The following SLC48A1 variants were observed in gnomAD, a reference collection of about 807,000 sequenced individuals.
The protein encoded by SLC48A1 is solute carrier family 48 member 1, also known as heme transporter HRG1.
A neutral mutation model predicts 14.8 loss-of-function variants in SLC48A1; 6 were observed. That is an observed-to-expected ratio of 0.41 (90% CI 0.22 to 0.80). The LOEUF is 0.80. Ranked by LOEUF, SLC48A1 falls within the 30% of genes least tolerant of loss-of-function variation. The pLI, the probability that SLC48A1 is intolerant of heterozygous loss-of-function variation, is 0.34. For missense variants in SLC48A1, 165 were observed against 204.8 expected (o/e 0.81, Z 1.19); for synonymous variants, 89 against 90.0 (o/e 0.99, Z 0.06).
upstream of SLC48A1, chr12:47,757,996 G>C (rs372882833): frequency 6.4e-7 from 1 of 1,572,844 alleles, no homozygotes; most frequent in Non-Finnish European, 8.6e-7. Flanking sequence ...GTCAGGGAGG[G>C]CTCCCACCCG....
intron 2 of SLC48A1, among the ~76,000 whole-genome samples, chr12:47,764,999 C>T (rs1045007729): frequency 7.2e-6 from 1 of 138,156 alleles, no homozygotes; most frequent in Non-Finnish European, 1.5e-5. Flanking sequence ...ATCGCTTAAA[C>T]CTGGAAGGCG....
intron 2 of SLC48A1, among the ~76,000 whole-genome samples, chr12:47,765,221 G>A (rs1010352247): frequency 1.3e-5 from 2 of 151,876 alleles, no homozygotes; most frequent in African/African-American, 4.8e-5. Context: ...GAAAAGTGGG[G>A]TCCACAGAGG....
In SLC48A1 at chr12:47,779,201, G is replaced by T; in HGVS notation, c.304+6G>T. On this transcript the variant is annotated splice_donor_region_variant and intron_variant, in intron 2 of 2. Transcript: ENST00000442218. ...GGCCATCACCCGGCATCAGAGTGAG[G>T]GCGGGTCCCAGGGAAAGAGGGCATG... 6.5e-7 allele frequency: 1 copy of T among 1,549,194 alleles called. No homozygotes were observed. Among genetic ancestry groups the T allele is most frequent in the South Asian group, 1.2e-5 (1 of 83,992 alleles).
chr12:47,774,713 G>A (rs1942703617), intron 1 of SLC48A1, among the ~76,000 whole-genome samples: 1 of 152,116 alleles, frequency 6.6e-6, no homozygotes, highest in Non-Finnish European at 1.5e-5. Flanking sequence ...TGCCAACAAA[G>A]CACTGGGTCA....
chr12:47,779,704 T>C (rs7960153), intron 2 of SLC48A1, among the ~76,000 whole-genome samples: 119,585 of 152,112 alleles, frequency 0.79, 47,225 homozygotes, highest in East Asian at 0.92. Context: ...TGTTCCAGGC[T>C]GTGGAACAGT....
At chr12:47,756,410 C>G (rs1942053188), upstream of SLC48A1, 1 of 152,134 alleles carries the variant, frequency 6.6e-6, no homozygotes, top group Non-Finnish European at 1.5e-5. Context: ...ATAGCTACAG[C>G]CAGTGACCCG....
chr12:47,759,969 G>A (rs76816481), intron 1 of SLC48A1, among the ~76,000 whole-genome samples: 2 of 152,226 alleles, frequency 1.3e-5, no homozygotes, highest in East Asian at 3.9e-4. Flanking sequence ...AGAAGACTGG[G>A]AAGAGGTAGC....
chr12:47,761,374 TC>T (rs1315237467), intron 2 of SLC48A1, among the ~76,000 whole-genome samples: 1 of 152,144 alleles, frequency 6.6e-6, no homozygotes. Flanking sequence ...TCTTTTTCAT[TC>T]CCCCTCTCTG....
At position 47,773,448 on chromosome 12, in the gene SLC48A1, G is replaced by C; in HGVS notation, c.136+8G>C. On this transcript the variant is annotated splice_region_variant and intron_variant, in intron 1 of 2. Transcript: ENST00000442218. ...CCATGGGAGGGCTCGCAGGTACCCC[G>C]GGACGCTGGGCGGCGCGGGGCGGGT... The C allele has an allele frequency of 4.4e-6, 6 of 1,364,124 alleles. No homozygotes were observed. The highest frequency in any genetic ancestry group is 5.7e-6 in the Non-Finnish European group (6 of 1,050,238). The allele number at this position is 1,364,124 out of a possible 1,614,324, so 84.5% of individuals were successfully genotyped here.
At position 47,780,557 on chromosome 12, in the gene SLC48A1, CTTTTTTTTTTCT is replaced by C. The variant is rs761205707; in HGVS notation, c.*287_*298del. 1.1e-4 allele frequency: 62 copies of C among 560,098 alleles called. No homozygotes were observed. Among genetic ancestry groups the C allele is most frequent in the Non-Finnish European group, 1.8e-4 (56 of 303,056 alleles). The allele number at this position is 560,098 out of a possible 1,614,324, so 34.7% of individuals were successfully genotyped here. A position where few individuals can be genotyped will look rare whatever the true frequency, so the allele number is the denominator to read the frequency against. ...CAAATGAATCTGTTTTCTTTTCTTT[CTTTTTTTTTTCT>C]TTTTTTTTTTTTTTTGAGATGGAGT... On this transcript the variant is annotated 3_prime_UTR_variant, in exon 3 of 3. Coordinates refer to ENST00000442218, the MANE Select transcript of SLC48A1 (RefSeq NM_017842.3).
chr12:47,766,933 G>T (rs74388259), upstream of SLC48A1, among the ~76,000 whole-genome samples: 18,272 of 152,184 alleles, frequency 0.12, 1,370 homozygotes, highest in Non-Finnish European at 0.17. Context: ...AGCCCTTAGA[G>T]TTGAGTCCTC....
upstream of SLC48A1, chr12:47,773,138 CTCCGGCCG>C (rs1428157326): frequency 1.0e-6 from 1 of 956,724 alleles, no homozygotes; most frequent in Non-Finnish European, 1.2e-6. Flanking sequence ...CGCGGGCGGC[CTCCGGCCG>C]GGGAGGGCGC....
chr12:47,773,545 GGTGGA>G, intron 1 of SLC48A1, 105 bp downstream of exon 1: 1 of 1,232,512 alleles, frequency 8.1e-7, no homozygotes, highest in Non-Finnish European at 1.0e-6. Context: ...CCGCGGAGCG[GGTGGA>G]GTGTTTACTC....
At chr12:47,772,066 A>G (rs1942639480), upstream of SLC48A1, 1 of 154,718 alleles carries the variant, frequency 6.5e-6, no homozygotes, top group Non-Finnish European at 1.5e-5. Flanking sequence ...GTAAAATAAT[A>G]ATAAGTTTGT....
At chr12:47,758,902 T>G in intron 1 of SLC48A1, 4 of 1,091,654 alleles carry the variant, frequency 3.7e-6, no homozygotes, top group Non-Finnish European at 2.2e-6. Flanking sequence ...GGGCGGGAGC[T>G]GTCACACCCC....
upstream of SLC48A1, chr12:47,773,065 A>T: frequency 2.1e-6 from 1 of 471,558 alleles, no homozygotes; most frequent in Non-Finnish European, 2.8e-6. Context: ...CCGCCTTTTT[A>T]GCAGCATTCC....
chr12:47,769,231 A>G (rs545719921), upstream of SLC48A1: 1 of 152,376 alleles, frequency 6.6e-6, no homozygotes, highest in East Asian at 1.9e-4. Context: ...GTGCCCAGAA[A>G]GAGACACACA....
In SLC48A1 at chr12:47,782,253, A is replaced by C. The variant is rs1942901160; in HGVS notation, c.*1972A>C. On this transcript the variant is annotated 3_prime_UTR_variant, in exon 3 of 3. Coordinates refer to ENST00000442218, the MANE Select transcript of SLC48A1 (RefSeq NM_017842.3). ...TGCTTAATCAGGCATGGTGCATCAGAGCGGGAAGGAGCCATCAACAGTGTA... is the reference window on the plus strand; with the variant it reads ...TGCTTAATCAGGCATGGTGCATCAGCGCGGGAAGGAGCCATCAACAGTGTA... The C allele has an allele frequency of 6.6e-6, 1 of 152,242 alleles. No individual in the cohort carries two copies. Among genetic ancestry groups the C allele is most frequent in the Non-Finnish European group, 1.5e-5 (1 of 68,074 alleles). 9.4% of individuals were successfully genotyped at this position (152,242 alleles called of 1,614,324 possible).
rs1565785116 is a variant in SLC48A1, at chr12:47,781,974, G to A, written c.*1693G>A. 6.6e-6 allele frequency: 1 copy of A among 152,458 alleles called. No homozygotes were observed. The highest frequency in any genetic ancestry group is 1.5e-5 in the Non-Finnish European group (1 of 68,210). The allele number at this position is 152,458 out of a possible 1,614,324, so 9.4% of individuals were successfully genotyped here. ...GGCATAGCTACAGCAACCCCTGCGGGATTTGGTGTCCACACCCGAGAGGCC... is the reference window on the plus strand; with the variant it reads ...GGCATAGCTACAGCAACCCCTGCGGAATTTGGTGTCCACACCCGAGAGGCC... On this transcript the variant is annotated 3_prime_UTR_variant, in exon 3 of 3. Coordinates refer to ENST00000442218, the MANE Select transcript of SLC48A1 (RefSeq NM_017842.3).
Sources: allele counts gnomAD v4.1 joint callset (sites outside exome capture counted in the v4.1 genomes callset), GRCh38; gene constraint gnomAD v4.1.1; transcripts MANE v1.5; gene names NCBI Gene and HGNC (gene_info 2026-07-23, HGNC 2026-07-21).